DIP2C: variants seen among roughly 807,000 people sequenced by gnomAD.
DIP2C encodes the protein disco-interacting protein 2 homolog C.
Under a neutral mutation model 192.4 loss-of-function variants are expected in DIP2C, and 33 were observed. The ratio of observed to expected loss-of-function variants is 0.17; its 90% CI spans 0.13 to 0.23. The LOEUF is 0.23. Among genes scored for constraint, DIP2C ranks in the 10% least tolerant of loss-of-function variants. The pLI is 1.00. For missense variants in DIP2C, 1,537 were observed against 2,110.1 expected, an observed-to-expected ratio of 0.73 and a Z score of 5.32; for synonymous variants, 979 against 864.1, an observed-to-expected ratio of 1.13 and a Z score of -2.33.
In DIP2C at chr10:593,328, T is replaced by G. The variant is rs116786683; in HGVS notation, c.85+96166A>C. 4.7e-3 allele frequency among the ~76,000 whole-genome samples: 717 copies of G among 152,202 alleles called. 6 individuals are homozygous for G. Among genetic ancestry groups the G allele is most frequent in the African/African-American group, 0.016 (664 of 41,518 alleles). Reference sequence around the variant, plus strand: ...CGCCCAGTGTAACCCTAAGTCCACGTTTACCCCAGAGAGTCCCAATTTTAT... The same window carrying G: ...CGCCCAGTGTAACCCTAAGTCCACGGTTACCCCAGAGAGTCCCAATTTTAT... On this transcript the variant is annotated intron_variant, in intron 1 of 36. Coordinates refer to ENST00000280886, the MANE Select transcript of DIP2C (RefSeq NM_014974.3).
chr10:650,453 C>T (rs1448141430), intron 1 of DIP2C: 3 of 708,136 alleles, frequency 4.2e-6, no homozygotes, highest in East Asian at 2.7e-5. Flanking sequence ...GTAGGTGACC[C>T]GGTTATCGTT....
chr10:551,348 G>A (rs1369582670), intron 1 of DIP2C, among the ~76,000 whole-genome samples: 1 of 152,178 alleles, frequency 6.6e-6, no homozygotes, highest in African/African-American at 2.4e-5. Flanking sequence ...GCATGCCAGG[G>A]TAGGGCTTGG....
At chr10:646,997 A>G (rs1855486401) in intron 1 of DIP2C, among the ~76,000 whole-genome samples, 1 of 152,276 alleles carries the variant, frequency 6.6e-6, no homozygotes, top group Non-Finnish European at 1.5e-5. Context: ...CATGGTGGCA[A>G]GCTGGGCGAG....
At chr10:281,348 A>C in intron 35 of DIP2C, 25 bp from the exon 36 acceptor site, 8 of 1,589,500 alleles carry the variant, frequency 5.0e-6, no homozygotes, top group Non-Finnish European at 5.2e-6. Flanking sequence ...CAGCCTGCGT[A>C]AGCTTCCCCA....
At chr10:667,439 A>C (rs1257276520) in intron 1 of DIP2C, 1 of 152,262 alleles carries the variant, frequency 6.6e-6, no homozygotes, top group Admixed American at 6.5e-5. Flanking sequence ...AGGAGCAGTC[A>C]CGTGGATGCC....
chr10:305,638 T>C (rs975412677), intron 32 of DIP2C, among the ~76,000 whole-genome samples: 1 of 152,156 alleles, frequency 6.6e-6, no homozygotes, highest in Non-Finnish European at 1.5e-5. Context: ...TGTAAAAAAT[T>C]GCTAAAACTG....
chr10:436,117 G>A lies in DIP2C; in HGVS notation c.394+4754C>T, dbSNP rs1001142268. 1.2e-4 allele frequency among the ~76,000 whole-genome samples: 19 copies of A among 152,172 alleles called. 1 individual carries two copies. Among genetic ancestry groups the A allele is most frequent in the South Asian group, 8.3e-4 (4 of 4,816 alleles). ...TCACACAGCGAATTCAGTTCAGACC[G>A]GGCGCACTTCATGTACTCAGCCACC... On this transcript the variant is annotated intron_variant, in intron 4 of 36. Coordinates refer to ENST00000280886, the MANE Select transcript of DIP2C (RefSeq NM_014974.3).
chr10:337,623 T>G (rs1346797360), intron 29 of DIP2C, among the ~76,000 whole-genome samples: 3 of 145,806 alleles, frequency 2.1e-5, no homozygotes, highest in Non-Finnish European at 3.0e-5. Flanking sequence ...CAGCTGTGTG[T>G]GTGTGCGCAC....
At chr10:423,266 T>A (rs1966335000) in intron 4 of DIP2C, among the ~76,000 whole-genome samples, 2 of 152,252 alleles carry the variant, frequency 1.3e-5, no homozygotes, top group African/African-American at 4.8e-5. Flanking sequence ...TGTTTGACAC[T>A]GTCATCTCAG....
chr10:598,238 C>A (rs776890520), intron 1 of DIP2C, among the ~76,000 whole-genome samples: 6 of 152,212 alleles, frequency 3.9e-5, no homozygotes, highest in Non-Finnish European at 7.3e-5. Flanking sequence ...TCCCTCCCCA[C>A]CCCAAGGGCA....
chr10:603,329 AAAAACCAAC>A (rs1852228765), intron 1 of DIP2C, among the ~76,000 whole-genome samples: 2 of 125,934 alleles, frequency 1.6e-5, no homozygotes, highest in African/African-American at 6.5e-5. Flanking sequence ...AAAAAAAAAA[AAAAACCAAC>A]CATGAGATTT....
At chr10:579,660 CCATA>C (rs1183147902) in intron 1 of DIP2C, among the ~76,000 whole-genome samples, 1 of 152,002 alleles carries the variant, frequency 6.6e-6, no homozygotes, top group African/African-American at 2.4e-5. Flanking sequence ...ACATCCAGAT[CCATA>C]GTGTATGTAC....
At chr10:585,920 T>TA (rs1850995923) in intron 1 of DIP2C, among the ~76,000 whole-genome samples, 1 of 152,228 alleles carries the variant, frequency 6.6e-6, no homozygotes, top group South Asian at 2.1e-4. Flanking sequence ...GTTATTCCTT[T>TA]GTTTTGCAGC....
At chr10:611,988 TTA>T (rs1853128321) in intron 1 of DIP2C, among the ~76,000 whole-genome samples, 1 of 137,270 alleles carries the variant, frequency 7.3e-6, no homozygotes, top group Admixed American at 7.5e-5. Context: ...AAGGGATCTA[TTA>T]TAGTTAAAAT....
chr10:663,548 G>A (rs1856889771), intron 1 of DIP2C: 1 of 152,250 alleles, frequency 6.6e-6, no homozygotes, highest in Non-Finnish European at 1.5e-5. Flanking sequence ...AGCATTTAGA[G>A]GCATAAGTAG....
intron 1 of DIP2C, among the ~76,000 whole-genome samples, chr10:573,407 T>A (rs1264449011): frequency 6.6e-6 from 1 of 152,214 alleles, no homozygotes; most frequent in Admixed American, 6.5e-5. Context: ...CACCCACATG[T>A]TATTATCGTT....
intron 2 of DIP2C, among the ~76,000 whole-genome samples, chr10:476,353 G>A (rs562637250): frequency 7.2e-5 from 11 of 152,268 alleles, no homozygotes; most frequent in African/African-American, 9.6e-5. Context: ...GCCCCAATCC[G>A]TCTGGCTCCT....
At chr10:323,767 GA>G (rs1166593572) in intron 31 of DIP2C, among the ~76,000 whole-genome samples, 1 of 152,098 alleles carries the variant, frequency 6.6e-6, no homozygotes, top group Non-Finnish European at 1.5e-5. Flanking sequence ...AGAAAATTCA[GA>G]AACATTTCAG....
intron 32 of DIP2C, among the ~76,000 whole-genome samples, chr10:304,889 ACT>A (rs988467790): frequency 3.3e-5 from 5 of 151,748 alleles, no homozygotes; most frequent in African/African-American, 1.2e-4. Context: ...ACACATGCAC[ACT>A]CATACTTGCA....
Sources: gnomAD v4.1 joint callset for allele counts (sites outside exome capture counted in the v4.1 genomes callset) on GRCh38, gnomAD v4.1.1 for gene constraint, MANE v1.5 for transcripts, NCBI Gene and HGNC (gene_info 2026-07-23, HGNC 2026-07-21) for gene names.